Variants in BAIAP2 observed in about 807,000 individuals in gnomAD.
BAIAP2 encodes BAR/IMD domain-containing adapter protein 2.
In BAIAP2, 18 loss-of-function variants were observed where a neutral mutation model predicts 63.0. The ratio of observed to expected loss-of-function variants is 0.29; its 90% CI spans 0.20 to 0.42. The LOEUF (loss-of-function observed/expected upper bound fraction) is 0.42. Among genes scored for constraint, BAIAP2 ranks in the 10% least tolerant of loss-of-function variants. BAIAP2 has a pLI of 1.00. For synonymous variants in BAIAP2, 386 were observed against 307.6 expected (o/e 1.25, Z -2.67); for missense variants, 610 against 734.3 (o/e 0.83, Z 1.96).
intron 1 of BAIAP2, among the ~76,000 whole-genome samples, chr17:81,050,233 C>T (rs1253467254): frequency 6.6e-6 from 1 of 152,336 alleles, no homozygotes; most frequent in East Asian, 1.9e-4. Flanking sequence ...ACAATGTTGG[C>T]TCAGTGGGAT....
intron 13 of BAIAP2, among the ~76,000 whole-genome samples, chr17:81,114,849 G>T (rs1040646778): frequency 5.3e-5 from 8 of 152,196 alleles, no homozygotes; most frequent in Admixed American, 4.6e-4. Context: ...CGGCTGCCCG[G>T]GCTCTTGTGG....
intron 6 of BAIAP2, among the ~76,000 whole-genome samples, chr17:81,099,447 T>C (rs1189483180): frequency 2.0e-5 from 3 of 152,016 alleles, no homozygotes; most frequent in Non-Finnish European, 4.4e-5. Flanking sequence ...ATGGCTGAGA[T>C]GGCTGAGATG....
intron 3 of BAIAP2, among the ~76,000 whole-genome samples, chr17:81,077,102 G>A (rs543879548): frequency 6.6e-6 from 1 of 152,200 alleles, no homozygotes; most frequent in African/African-American, 2.4e-5. Flanking sequence ...GGAATAGGCC[G>A]CTCCACAGAG....
chr17:81,098,292 C>CCTCAGCTTCTTCGCCACT, intron 6 of BAIAP2: 1 of 946,282 alleles, frequency 1.1e-6, no homozygotes, highest in Non-Finnish European at 1.4e-6. Flanking sequence ...CAGCGGCCGC[C>CCTCAGCTTCTTCGCCACT]CTCAGCTTCT....
chr17:81,058,640 G>A lies in BAIAP2; in HGVS notation c.217+673G>A, dbSNP rs144077883. On this transcript the variant is annotated intron_variant, in intron 3 of 13. Coordinates refer to ENST00000428708, the MANE Select transcript of BAIAP2 (RefSeq NM_001144888.2). ...TGTGCTCACTTGCTGCTCCCAGAGC[G>A]AGCTGTGGCCGGCAGAGCGGCCCTT... is the stretch of plus-strand genomic sequence containing the variant. Among the ~76,000 whole-genome samples, 1,115 of 152,324 alleles carry A rather than the reference G, an allele frequency of 7.3e-3. 9 individuals carry two copies. Among genetic ancestry groups the A allele is most frequent in the African/African-American group, 0.025 (1,050 of 41,556 alleles).
chr17:81,062,498 G>T (rs1224962210), intron 3 of BAIAP2, among the ~76,000 whole-genome samples: 1 of 152,118 alleles, frequency 6.6e-6, no homozygotes, highest in East Asian at 1.9e-4. Flanking sequence ...CCTTGCACTG[G>T]CTTTGCTGTT....
chr17:81,053,568 A>AG lies in BAIAP2; in HGVS notation c.55-96dup, dbSNP rs878973100. On this transcript the variant is annotated intron_variant, in intron 1 of 13. Coordinates refer to ENST00000428708, the MANE Select transcript of BAIAP2 (RefSeq NM_001144888.2). ...AGCATTTGTGGTGTCGACCCCCAGG[A>AG]GGGGTGCCTGCTCTGGGTTTTCTCC... is the stretch of plus-strand genomic sequence containing the variant. The AG allele has an allele frequency of 2.1e-5, 27 of 1,280,364 alleles. No individual in the cohort carries two copies. In the South Asian group the frequency reaches 2.8e-4, roughly 13 times the overall value. The allele number at this position is 1,280,364 out of a possible 1,614,324, so 79.3% of individuals were successfully genotyped here. A position where few individuals can be genotyped will look rare whatever the true frequency, so the allele number is the denominator to read the frequency against.
chr17:81,049,053 A>G (rs1451145916), intron 1 of BAIAP2, among the ~76,000 whole-genome samples: 1 of 152,200 alleles, frequency 6.6e-6, no homozygotes, highest in Non-Finnish European at 1.5e-5. Context: ...TAGTGAATGA[A>G]CAAACGAGGA....
At chr17:81,092,590 G>A (rs111269920) in intron 6 of BAIAP2, among the ~76,000 whole-genome samples, 3 of 152,210 alleles carry the variant, frequency 2.0e-5, no homozygotes, top group African/African-American at 4.8e-5. Flanking sequence ...TCCATGAAAA[G>A]AAGTAATTTT....
intron 13 of BAIAP2, among the ~76,000 whole-genome samples, chr17:81,113,432 A>G (rs1291916436): frequency 6.6e-6 from 1 of 152,212 alleles, no homozygotes; most frequent in Non-Finnish European, 1.5e-5. Context: ...AGACTTTGTC[A>G]TATTCTATTG....
At chr17:81,040,837 A>G (rs113595761) in intron 1 of BAIAP2, among the ~76,000 whole-genome samples, 55 of 152,252 alleles carry the variant, frequency 3.6e-4, no homozygotes, top group African/African-American at 1.3e-3. Context: ...GCTGAGGGCT[A>G]TTTCTCCTAC....
chr17:81,073,401 A>G (rs556856172), intron 3 of BAIAP2, among the ~76,000 whole-genome samples: 1 of 152,112 alleles, frequency 6.6e-6, no homozygotes, highest in Admixed American at 6.5e-5. Flanking sequence ...CAGGGCCGCC[A>G]GCCTTCTTCC....
intron 6 of BAIAP2, 132 bp from the exon 7 acceptor site, chr17:81,099,796 A>T: frequency 9.5e-7 from 1 of 1,054,802 alleles, no homozygotes; most frequent in Non-Finnish European, 1.4e-6. Context: ...GTGGCCGCAG[A>T]TGCTGTTTTG....
chr17:81,094,069 C>G (rs944477645), intron 6 of BAIAP2, among the ~76,000 whole-genome samples: 3 of 152,144 alleles, frequency 2.0e-5, no homozygotes, highest in African/African-American at 7.2e-5. Flanking sequence ...TCTGCATCCG[C>G]AGCTGACACA....
Position 81,103,567 on chromosome 17 carries a change from C to G in BAIAP2, c.708C>G (p.Ile236Met). 3.1e-6 allele frequency: 5 copies of G among 1,601,678 alleles called. No homozygotes were observed. The highest frequency in any genetic ancestry group is 4.2e-6 in the Non-Finnish European group (5 of 1,178,944). Reference sequence around the variant, plus strand: ...AGGCCTGTGCCGACCCCAGCAAGATCCCGGAGCGCGCGGTGCAGCTCATGC... The same window carrying G: ...AGGCCTGTGCCGACCCCAGCAAGATGCCGGAGCGCGCGGTGCAGCTCATGC... ...WQQACADPSKIPERAVQLMQQ... is the reference protein window; with the variant it reads ...WQQACADPSKMPERAVQLMQQ... The change falls in exon 8 of 14, where the codon ATC becomes ATG. Residue 236 changes from isoleucine to methionine, a missense_variant. Ile to Met is a conservative substitution (Grantham distance 10). Coordinates refer to ENST00000428708, the MANE Select transcript of BAIAP2 (RefSeq NM_001144888.2).
chr17:81,046,753 C>T lies in BAIAP2; in HGVS notation c.55-6915C>T, dbSNP rs1228837184. Among the ~76,000 whole-genome samples, 2 of 151,938 alleles carry T rather than the reference C, an allele frequency of 1.3e-5. No homozygotes were observed. Among genetic ancestry groups the T allele is most frequent in the Non-Finnish European group, 2.9e-5 (2 of 67,960 alleles). On this transcript the variant is annotated intron_variant, in intron 1 of 13. Coordinates refer to ENST00000428708, the MANE Select transcript of BAIAP2 (RefSeq NM_001144888.2). The surrounding 1 kb of genome is among the most constrained non-coding windows in gnomAD (Gnocchi z 4.5). ...CCCTAGTCCATGCTGTACATGTGGCCGGGGGTTTCCAGGCTTGGCTCTGTC... is the reference window on the plus strand; with the variant it reads ...CCCTAGTCCATGCTGTACATGTGGCTGGGGGTTTCCAGGCTTGGCTCTGTC...
chr17:81,050,363 C>T (rs55745320), intron 1 of BAIAP2, among the ~76,000 whole-genome samples: 82,511 of 152,204 alleles, frequency 0.54, 23,000 homozygotes, highest in Non-Finnish European at 0.63. Context: ...GTTCCCTGCC[C>T]GCTGTCTCCT....
At chr17:81,090,809 C>G (rs569508458) in intron 6 of BAIAP2, among the ~76,000 whole-genome samples, 12 of 152,114 alleles carry the variant, frequency 7.9e-5, no homozygotes, top group African/African-American at 2.9e-4. Flanking sequence ...GATGTGCTGC[C>G]GGCCTCGCTG....
chr17:81,115,899 T>C lies in BAIAP2; in HGVS notation c.*60T>C, dbSNP rs1389372105. ...TCCCCCGCCCTTCCCATGTAGCCTG[T>C]TCTGTCATCATCTGTGCGTTCCTGT... is the stretch of plus-strand genomic sequence containing the variant. On this transcript the variant is annotated 3_prime_UTR_variant, in exon 14 of 14. Coordinates refer to ENST00000428708, the MANE Select transcript of BAIAP2 (RefSeq NM_001144888.2). The C allele has an allele frequency of 1.9e-6, 3 of 1,605,182 alleles. No homozygotes were observed. Among genetic ancestry groups the C allele is most frequent in the Non-Finnish European group, 2.6e-6 (3 of 1,176,404 alleles).
Sources: allele counts gnomAD v4.1 joint callset (sites outside exome capture counted in the v4.1 genomes callset), GRCh38; gene constraint gnomAD v4.1.1; non-coding constraint Gnocchi (gnomAD v3.1); transcripts MANE v1.5; gene names NCBI Gene and HGNC (gene_info 2026-07-23, HGNC 2026-07-21).